The following PRKN variants were observed in gnomAD, a reference collection of about 807,000 sequenced individuals.
PRKN encodes the protein E3 ubiquitin-protein ligase parkin.
In PRKN, 56 loss-of-function variants were observed where a neutral mutation model predicts 59.5. The ratio of observed to expected loss-of-function variants is 0.94; its 90% CI spans 0.76 to 1.18. The LOEUF (loss-of-function observed/expected upper bound fraction) is 1.18, where lower values mean the gene tolerates loss of function less well. PRKN is among the 50% of genes most tolerant of loss of function. PRKN has a pLI of 0.00. For missense variants in PRKN, 657 were observed against 596.4 expected, an observed-to-expected ratio of 1.10 and a Z score of -1.06; for synonymous variants, 250 against 222.1, an observed-to-expected ratio of 1.13 and a Z score of -1.12.
intron 2 of PRKN, among the ~76,000 whole-genome samples, chr6:162,409,508 T>A (rs1226664254): frequency 6.6e-6 from 1 of 152,170 alleles, no homozygotes; most frequent in Non-Finnish European, 1.5e-5. Flanking sequence ...CACTTTTGCA[T>A]GATTATCAAT....
At chr6:162,660,856 G>A (rs577759737) in intron 1 of PRKN, among the ~76,000 whole-genome samples, 6 of 152,270 alleles carry the variant, frequency 3.9e-5, no homozygotes, top group South Asian at 4.1e-4. Flanking sequence ...ACTTGTGTAG[G>A]AGAGTTCAAG....
chr6:161,999,282 G>A (rs1247662929), intron 5 of PRKN, among the ~76,000 whole-genome samples: 1 of 152,010 alleles, frequency 6.6e-6, no homozygotes, highest in Admixed American at 6.6e-5. Flanking sequence ...CTTGGGGTGG[G>A]GCGGAGGAGA....
intron 6 of PRKN, among the ~76,000 whole-genome samples, chr6:161,935,233 T>G (rs1003700858): frequency 1.3e-5 from 2 of 151,972 alleles, no homozygotes; most frequent in African/African-American, 4.8e-5. Context: ...TGTGTCTGAG[T>G]AGGATCCAGT....
At chr6:162,306,250 C>T (rs985551937) in intron 2 of PRKN, among the ~76,000 whole-genome samples, 4 of 152,078 alleles carry the variant, frequency 2.6e-5, no homozygotes, top group Non-Finnish European at 5.9e-5. Context: ...CTGAGGGTGT[C>T]GGGTAATTTG....
intron 9 of PRKN, among the ~76,000 whole-genome samples, chr6:161,427,484 C>T (rs1788425460): frequency 6.6e-6 from 1 of 152,022 alleles, no homozygotes. Context: ...TAGAACTGAC[C>T]CAAGGATTTT....
chr6:162,152,553 T>C (rs1320334235), intron 4 of PRKN, among the ~76,000 whole-genome samples: 4 of 152,212 alleles, frequency 2.6e-5, no homozygotes, highest in Non-Finnish European at 4.4e-5. Context: ...TCCACATGCA[T>C]ACTGCAGGAA....
intron 1 of PRKN, among the ~76,000 whole-genome samples, chr6:162,450,368 CT>C (rs1157523045): frequency 3.7e-5 from 5 of 134,656 alleles, no homozygotes; most frequent in Non-Finnish European, 6.7e-5. Flanking sequence ...GTAAACGCCC[CT>C]GTGATTGTAA....
intron 6 of PRKN, among the ~76,000 whole-genome samples, chr6:161,885,413 C>T (rs1012222170): frequency 3.3e-5 from 5 of 151,990 alleles, no homozygotes; most frequent in Non-Finnish European, 7.4e-5. Context: ...GCCTGTAATC[C>T]CAGCACTTTG....
chr6:162,501,467 C>T (rs62428848), intron 1 of PRKN, among the ~76,000 whole-genome samples: 23,743 of 150,714 alleles, frequency 0.16, 2,038 homozygotes, highest in Non-Finnish European at 0.18. Context: ...AGTGCCTCAG[C>T]CTCCCGAATA....
chr6:161,884,322 T>C (rs780432803), intron 6 of PRKN, among the ~76,000 whole-genome samples: 2 of 152,212 alleles, frequency 1.3e-5, no homozygotes, highest in Non-Finnish European at 2.9e-5. Context: ...TCAGTTTATA[T>C]AGAATGAAAA....
At chr6:161,805,546 C>T (rs1791281790) in intron 6 of PRKN, among the ~76,000 whole-genome samples, 1 of 151,808 alleles carries the variant, frequency 6.6e-6, no homozygotes, top group Non-Finnish European at 1.5e-5. Context: ...ATGACCAGAT[C>T]CTGTCTTTAC....
chr6:161,932,745 A>C (rs1779212412), intron 6 of PRKN, among the ~76,000 whole-genome samples: 1 of 152,218 alleles, frequency 6.6e-6, no homozygotes, highest in Non-Finnish European at 1.5e-5. Context: ...TATCTTGCTG[A>C]AATAGCAATT....
chr6:161,556,809 C>T (rs558459423), intron 8 of PRKN, among the ~76,000 whole-genome samples: 3 of 152,182 alleles, frequency 2.0e-5, no homozygotes, highest in Non-Finnish European at 2.9e-5. Context: ...ATATAGAGTC[C>T]ACCCTCAACT....
chr6:162,036,310 C>T (rs1005969910), intron 5 of PRKN, among the ~76,000 whole-genome samples: 8 of 151,560 alleles, frequency 5.3e-5, no homozygotes, highest in African/African-American at 1.2e-4. Context: ...GGCAACAGAG[C>T]GAGACCCCGT....
chr6:161,364,767 C>T (rs1188555447), intron 10 of PRKN, among the ~76,000 whole-genome samples: 5 of 151,770 alleles, frequency 3.3e-5, no homozygotes, highest in African/African-American at 1.2e-4. Context: ...GCCAACACAG[C>T]GAAACCGTCT....
intron 2 of PRKN, among the ~76,000 whole-genome samples, chr6:162,340,760 T>A (rs1387016862): frequency 2.0e-5 from 3 of 152,086 alleles, no homozygotes; most frequent in African/African-American, 7.2e-5. Context: ...TTTCCTTACA[T>A]CTTATACAAA....
intron 6 of PRKN, among the ~76,000 whole-genome samples, chr6:161,938,971 T>C (rs1427103157): frequency 6.6e-6 from 1 of 152,234 alleles, no homozygotes; most frequent in Admixed American, 6.5e-5. Flanking sequence ...GATGTGTTCA[T>C]TTATATTTGC....
intron 2 of PRKN, among the ~76,000 whole-genome samples, chr6:162,393,683 T>C (rs1231241721): frequency 6.6e-6 from 1 of 152,216 alleles, no homozygotes; most frequent in African/African-American, 2.4e-5. Context: ...AACATGGTAT[T>C]GTGGTAAGAG....
chr6:162,635,669 G>A (rs1286729638), intron 1 of PRKN, among the ~76,000 whole-genome samples: 1 of 151,864 alleles, frequency 6.6e-6, no homozygotes, highest in African/African-American at 2.4e-5. Flanking sequence ...TCTTTCAACT[G>A]TCATTATGAT....
Sources: gnomAD v4.1 joint callset for allele counts (sites outside exome capture counted in the v4.1 genomes callset) on GRCh38, gnomAD v4.1.1 for gene constraint, MANE v1.5 for transcripts, NCBI Gene and HGNC (gene_info 2026-07-23, HGNC 2026-07-21) for gene names.